The following EEPD1 variants were observed in gnomAD, a reference collection of about 807,000 sequenced individuals.
The protein encoded by EEPD1 is endonuclease/exonuclease/phosphatase family domain-containing protein 1.
In EEPD1, 17 loss-of-function variants were observed where a neutral mutation model predicts 46.3. The observed-to-expected ratio is 0.37, with a 90% CI of 0.25 to 0.55. EEPD1 has a LOEUF of 0.55. Ranked by LOEUF, EEPD1 falls within the 20% of genes least tolerant of loss-of-function variation. The pLI is 0.83. For missense variants in EEPD1, 673 were observed against 745.6 expected (o/e 0.90, Z 1.13); for synonymous variants, 313 against 315.6 (o/e 0.99, Z 0.09).
At chr7:36,255,393 G>C (rs1397970581) in intron 3 of EEPD1, among the ~76,000 whole-genome samples, 4 of 152,134 alleles carry the variant, frequency 2.6e-5, no homozygotes, top group African/African-American at 7.2e-5. Context: ...ATTAAATAGG[G>C]AACCCTTTCT....
At chr7:36,166,909 A>G (rs552219655) in intron 2 of EEPD1, among the ~76,000 whole-genome samples, 1 of 152,296 alleles carries the variant, frequency 6.6e-6, no homozygotes, top group South Asian at 2.1e-4. Context: ...TAGGGCTGCC[A>G]TAATGAAGTC....
At chr7:36,267,724 A>G (rs917752483) in intron 3 of EEPD1, among the ~76,000 whole-genome samples, 116 of 152,204 alleles carry the variant, frequency 7.6e-4, no homozygotes, top group African/African-American at 2.8e-3. Flanking sequence ...ACTCCCCATT[A>G]TAGCTCCAGA....
At chr7:36,178,523 G>A (rs1001340897) in intron 2 of EEPD1, among the ~76,000 whole-genome samples, 3 of 152,226 alleles carry the variant, frequency 2.0e-5, no homozygotes, top group South Asian at 4.1e-4. Context: ...AATTCTTCCA[G>A]ATTTCATATG....
At chr7:36,206,640 C>T (rs1014953461) in intron 2 of EEPD1, among the ~76,000 whole-genome samples, 1 of 152,130 alleles carries the variant, frequency 6.6e-6, no homozygotes, top group African/African-American at 2.4e-5. Flanking sequence ...ATTCATCTGC[C>T]ATTAAAAACA....
At chr7:36,219,770 AG>A (rs1786104132) in intron 2 of EEPD1, among the ~76,000 whole-genome samples, 1 of 129,060 alleles carries the variant, frequency 7.7e-6, no homozygotes, top group African/African-American at 3.2e-5. Context: ...AAAGAGAGAG[AG>A]AGAAAGAGAG....
chr7:36,180,561 C>T (rs1399554401), intron 2 of EEPD1, among the ~76,000 whole-genome samples: 3 of 152,152 alleles, frequency 2.0e-5, no homozygotes, highest in Non-Finnish European at 4.4e-5. Flanking sequence ...TTTTATTAAA[C>T]ATGCTTGGAA....
At chr7:36,232,533 T>C (rs548001420) in intron 2 of EEPD1, among the ~76,000 whole-genome samples, 81 of 151,776 alleles carry the variant, frequency 5.3e-4, no homozygotes, top group Non-Finnish European at 8.8e-4. Flanking sequence ...AGAATGTCTC[T>C]GGTTTGTTTG....
intron 3 of EEPD1, among the ~76,000 whole-genome samples, chr7:36,245,453 A>C (rs1786625110): frequency 6.6e-6 from 1 of 152,194 alleles, no homozygotes; most frequent in Non-Finnish European, 1.5e-5. Context: ...AGATACACAG[A>C]GACCCCCAAG....
chr7:36,158,686 C>G lies in EEPD1; in HGVS notation c.878+3484C>G, dbSNP rs572498796. On this transcript the variant is annotated intron_variant, in intron 2 of 7. Transcript: ENST00000242108. ...CCAAATCTCAGTCTTAGGCAATACT[C>G]TTCCTTGTTCGGTATTTATGGAACA... is the stretch of plus-strand genomic sequence containing the variant. 8.5e-5 allele frequency among the ~76,000 whole-genome samples: 13 copies of G among 152,332 alleles called. No individual in the cohort carries two copies. The South Asian group carries it at 2.5e-3, about 29-fold the overall frequency.
chr7:36,203,179 T>C (rs558031643), intron 2 of EEPD1, among the ~76,000 whole-genome samples: 116 of 152,286 alleles, frequency 7.6e-4, no homozygotes, highest in African/African-American at 2.5e-3. Context: ...ATGACAGTGC[T>C]GCTCCTCGTG....
intron 2 of EEPD1, among the ~76,000 whole-genome samples, chr7:36,160,683 C>CGGGGGGGGG: frequency 7.9e-6 from 1 of 126,386 alleles, no homozygotes; most frequent in Non-Finnish European, 1.7e-5. Context: ...TGGTGGGGGG[C>CGGGGGGGGG]GGGGCGTGCA....
chr7:36,248,175 T>G (rs1057321966), intron 3 of EEPD1, among the ~76,000 whole-genome samples: 5 of 151,916 alleles, frequency 3.3e-5, no homozygotes, highest in Non-Finnish European at 7.4e-5. Flanking sequence ...ACTTCAAGAA[T>G]CTTAACTTAT....
chr7:36,160,528 GC>G (rs1426943157), intron 2 of EEPD1, among the ~76,000 whole-genome samples: 1 of 152,096 alleles, frequency 6.6e-6, no homozygotes, highest in Non-Finnish European at 1.5e-5. Context: ...TTCTAGAGTG[GC>G]GGGTGGGTGG....
chr7:36,285,461 C>T lies in EEPD1; in HGVS notation c.1176+641C>T, dbSNP rs181536531. On this transcript the variant is annotated intron_variant, in intron 5 of 7. Transcript: ENST00000242108. ...TCGCCCATGTGGGAATCTCTGTCCC[C>T]CCAGCATCTGGGAGCAGCTCAGCAG... Among the ~76,000 whole-genome samples, 4 of 152,300 alleles carry T rather than the reference C, an allele frequency of 2.6e-5. 1 individual carries two copies. Among genetic ancestry groups the T allele is most frequent in the Admixed American group, 2.6e-4 (4 of 15,302 alleles).
At chr7:36,221,222 C>T (rs1281185724) in intron 2 of EEPD1, among the ~76,000 whole-genome samples, 1 of 152,210 alleles carries the variant, frequency 6.6e-6, no homozygotes, top group Non-Finnish European at 1.5e-5. Context: ...ACATTTTATA[C>T]AACCTTATCT....
At chr7:36,227,807 G>A (rs758304079) in intron 2 of EEPD1, among the ~76,000 whole-genome samples, 6 of 152,062 alleles carry the variant, frequency 3.9e-5, no homozygotes, top group African/African-American at 4.8e-5. Flanking sequence ...CCTGCCTCAG[G>A]CTCCCAAGTA....
intron 3 of EEPD1, among the ~76,000 whole-genome samples, chr7:36,276,275 C>G (rs1787181494): frequency 6.6e-6 from 1 of 152,188 alleles, no homozygotes; most frequent in African/African-American, 2.4e-5. Flanking sequence ...AATGAAAGTG[C>G]CATCTCTGGT....
intron 3 of EEPD1, among the ~76,000 whole-genome samples, chr7:36,268,898 G>A (rs1430948543): frequency 6.6e-6 from 1 of 152,214 alleles, no homozygotes; most frequent in Non-Finnish European, 1.5e-5. Context: ...AAAACTCTTG[G>A]TAAGTGGTAG....
chr7:36,280,779 A>G (rs1787248778), intron 3 of EEPD1, among the ~76,000 whole-genome samples: 1 of 152,168 alleles, frequency 6.6e-6, no homozygotes, highest in Non-Finnish European at 1.5e-5. Flanking sequence ...GGGACCTTCA[A>G]TCCGCTGCTT....
Sources: allele counts gnomAD v4.1 joint callset (sites outside exome capture counted in the v4.1 genomes callset), GRCh38; gene constraint gnomAD v4.1.1; transcripts MANE v1.5; gene names NCBI Gene and HGNC (gene_info 2026-07-23, HGNC 2026-07-21).